Variants in IL1RAPL1 observed in about 807,000 individuals in gnomAD.
The protein encoded by IL1RAPL1 is interleukin 1 receptor accessory protein like 1.
IL1RAPL1 carries 3 observed loss-of-function variants against 48.4 expected under a neutral mutation model. The observed-to-expected ratio is 0.06, with a 90% confidence interval of 0.03 to 0.16. The LOEUF is 0.16. IL1RAPL1 is among the 10% of genes least tolerant of loss of function. The pLI is 1.00. For synonymous variants in IL1RAPL1, 185 were observed against 187.7 expected, an observed-to-expected ratio of 0.99 and a Z score of 0.12; for missense variants, 349 against 530.6, an observed-to-expected ratio of 0.66 and a Z score of 3.36.
chrX:28,986,720 C>T (rs1233842666), intron 2 of IL1RAPL1, among the ~76,000 whole-genome samples: 1 of 111,595 alleles, frequency 9.0e-6, no homozygotes, highest in Non-Finnish European at 1.9e-5. Flanking sequence ...CAATTTGCTC[C>T]CCTGCACAGA....
intron 5 of IL1RAPL1, among the ~76,000 whole-genome samples, chrX:29,652,430 C>T (rs751121456): frequency 2.7e-5 from 3 of 110,197 alleles, no homozygotes; most frequent in East Asian, 2.9e-4. Flanking sequence ...AGGAGGGATA[C>T]GGAAGGATGG....
chrX:28,882,053 A>T (rs1296979759), intron 2 of IL1RAPL1, among the ~76,000 whole-genome samples: 1 of 109,995 alleles, frequency 9.1e-6, no homozygotes, highest in African/African-American at 3.3e-5. Flanking sequence ...TATGTAGGAG[A>T]AACCCCAAAA....
chrX:29,885,752 G>A (rs369098580), intron 6 of IL1RAPL1, among the ~76,000 whole-genome samples: 19 of 111,728 alleles, frequency 1.7e-4, no homozygotes, highest in East Asian at 5.6e-4. Context: ...CCAGGTGTTC[G>A]AGGATGCAGG....
At chrX:28,604,192 T>TA (rs958767278) in intron 1 of IL1RAPL1, among the ~76,000 whole-genome samples, 1 of 111,829 alleles carries the variant, frequency 8.9e-6, no homozygotes, top group African/African-American at 3.3e-5. Flanking sequence ...GAAGAAGCTT[T>TA]AAAAAAACAC....
intron 5 of IL1RAPL1, among the ~76,000 whole-genome samples, chrX:29,629,661 G>C (rs1296234485): frequency 8.9e-6 from 1 of 112,169 alleles, no homozygotes; most frequent in Non-Finnish European, 1.9e-5. Flanking sequence ...CTGAAGAAAT[G>C]CATTTAGTTC....
intron 2 of IL1RAPL1, among the ~76,000 whole-genome samples, chrX:29,099,726 A>G (rs1281847129): frequency 8.9e-6 from 1 of 112,198 alleles, no homozygotes; most frequent in Non-Finnish European, 1.9e-5. Flanking sequence ...TAAACTTTTC[A>G]GAATGAAAGT....
chrX:28,906,701 T>A (rs1466977222), intron 2 of IL1RAPL1, among the ~76,000 whole-genome samples: 1 of 111,618 alleles, frequency 9.0e-6, no homozygotes, highest in East Asian at 2.8e-4. Flanking sequence ...TGATTTAAAC[T>A]GATAAATAAA....
intron 5 of IL1RAPL1, among the ~76,000 whole-genome samples, chrX:29,506,042 G>C (rs147928662): frequency 9.1e-4 from 102 of 111,864 alleles, no homozygotes; most frequent in African/African-American, 3.1e-3. Flanking sequence ...CAGTCCAGCA[G>C]ATATATTTCT....
intron 1 of IL1RAPL1, among the ~76,000 whole-genome samples, chrX:28,595,717 G>A (rs1439260467): frequency 1.8e-5 from 2 of 112,214 alleles, no homozygotes; most frequent in Non-Finnish European, 3.8e-5. Flanking sequence ...ATGGTATCAA[G>A]TATTTTGTGT....
At chrX:29,901,049 T>A (rs1356291965) in intron 6 of IL1RAPL1, among the ~76,000 whole-genome samples, 1 of 112,114 alleles carries the variant, frequency 8.9e-6, no homozygotes, top group Non-Finnish European at 1.9e-5. Context: ...GCTCCCCATT[T>A]TTTTCCTCGT....
At chrX:28,701,081 G>T (rs1935289889) in intron 1 of IL1RAPL1, among the ~76,000 whole-genome samples, 1 of 111,562 alleles carries the variant, frequency 9.0e-6, no homozygotes, top group Admixed American at 9.5e-5. Flanking sequence ...TAGTAGGATT[G>T]CTGGGTCAAA....
chrX:29,638,061 C>G (rs1214495794), intron 5 of IL1RAPL1, among the ~76,000 whole-genome samples: 1 of 111,504 alleles, frequency 9.0e-6, no homozygotes, highest in Non-Finnish European at 1.9e-5. Flanking sequence ...ACCAGACAAT[C>G]TAATTGCTGA....
intron 2 of IL1RAPL1, among the ~76,000 whole-genome samples, chrX:29,132,293 C>T (rs1469467432): frequency 8.9e-6 from 1 of 111,753 alleles, no homozygotes; most frequent in Non-Finnish European, 1.9e-5. Flanking sequence ...CAATGATGGA[C>T]CACATATTTG....
intron 3 of IL1RAPL1, among the ~76,000 whole-genome samples, chrX:29,327,490 G>A (rs777718027): frequency 9.7e-6 from 1 of 102,920 alleles, no homozygotes; most frequent in Non-Finnish European, 2.0e-5. Context: ...TCTTAGCTAG[G>A]TAATATTATT....
At chrX:29,433,211 A>T (rs1414994300) in intron 5 of IL1RAPL1, among the ~76,000 whole-genome samples, 3 of 110,413 alleles carry the variant, frequency 2.7e-5, no homozygotes, top group African/African-American at 9.8e-5. Context: ...ACAAAGTAAA[A>T]ATCACTTAAA....
At chrX:29,486,249 G>T (rs773695761) in intron 5 of IL1RAPL1, among the ~76,000 whole-genome samples, 1 of 110,947 alleles carries the variant, frequency 9.0e-6, no homozygotes, top group South Asian at 3.9e-4. Context: ...CCAATCTGCA[G>T]GATGGGACCA....
intron 5 of IL1RAPL1, among the ~76,000 whole-genome samples, chrX:29,541,974 A>G (rs777200440): frequency 3.6e-5 from 4 of 111,499 alleles, no homozygotes; most frequent in Non-Finnish European, 7.5e-5. Flanking sequence ...TTTGATACAG[A>G]AAAGAACATC....
At chrX:29,405,120 G>C (rs1277440215) in intron 5 of IL1RAPL1, among the ~76,000 whole-genome samples, 1 of 109,970 alleles carries the variant, frequency 9.1e-6, no homozygotes, top group Non-Finnish European at 1.9e-5. Flanking sequence ...CACCATGTTG[G>C]CCAGGATGGT....
intron 1 of IL1RAPL1, among the ~76,000 whole-genome samples, chrX:28,635,278 C>T (rs1464372929): frequency 8.9e-6 from 1 of 112,009 alleles, no homozygotes; most frequent in Admixed American, 9.5e-5. Context: ...ATCCATGAAA[C>T]TGTGGCAGGC....
Sources: gnomAD v4.1 joint callset for allele counts (sites outside exome capture counted in the v4.1 genomes callset) on GRCh38, gnomAD v4.1.1 for gene constraint, MANE v1.5 for transcripts, NCBI Gene and HGNC (gene_info 2026-07-23, HGNC 2026-07-21) for gene names.